Variants in SNCAIP observed in about 807,000 individuals in gnomAD.
The protein encoded by SNCAIP is synphilin-1.
Under a neutral mutation model 86.7 loss-of-function variants are expected in SNCAIP, and 43 were observed. The ratio of observed to expected loss-of-function variants is 0.50; its 90% CI spans 0.39 to 0.64. SNCAIP has a LOEUF of 0.64. Among genes scored for constraint, SNCAIP ranks in the 30% least tolerant of loss-of-function variants. The pLI, the probability that SNCAIP is intolerant of heterozygous loss-of-function variation, is 0.00. For synonymous variants in SNCAIP, 417 were observed against 427.2 expected (o/e 0.98, Z 0.29); for missense variants, 981 against 1,103.1 (o/e 0.89, Z 1.57).
intron 1 of SNCAIP, among the ~76,000 whole-genome samples, chr5:122,349,602 A>C (rs1383661759): frequency 6.6e-6 from 1 of 152,268 alleles, no homozygotes; most frequent in East Asian, 1.9e-4. Flanking sequence ...TATACTCCAC[A>C]CTAGGTATTT....
intron 10 of SNCAIP, among the ~76,000 whole-genome samples, chr5:122,456,468 G>T (rs575074814): frequency 1.3e-5 from 2 of 152,022 alleles, no homozygotes; most frequent in Non-Finnish European, 2.9e-5. Flanking sequence ...ACACATTTCT[G>T]TCCTTATTGC....
At chr5:122,351,539 A>C (rs1759817035) in intron 1 of SNCAIP, among the ~76,000 whole-genome samples, 1 of 83,186 alleles carries the variant, frequency 1.2e-5, no homozygotes, top group South Asian at 4.1e-4. Context: ...TCTGTATCAA[A>C]AAAAAAAAAA....
At chr5:122,372,523 G>C (rs1764479945) in intron 1 of SNCAIP, among the ~76,000 whole-genome samples, 2 of 152,192 alleles carry the variant, frequency 1.3e-5, no homozygotes, top group Non-Finnish European at 2.9e-5. Context: ...GTTTGTCGTA[G>C]AGTGGATCAC....
chr5:122,356,850 C>T (rs1300177231), intron 1 of SNCAIP, among the ~76,000 whole-genome samples: 1 of 152,206 alleles, frequency 6.6e-6, no homozygotes, highest in Non-Finnish European at 1.5e-5. Context: ...TGGACCGATG[C>T]ACCACCCTCC....
At chr5:122,379,936 G>A (rs529877048) in intron 1 of SNCAIP, among the ~76,000 whole-genome samples, 54 of 152,246 alleles carry the variant, frequency 3.5e-4, no homozygotes, top group African/African-American at 1.3e-3. Flanking sequence ...GCTGGATTCG[G>A]TTTGCCAGTA....
intron 1 of SNCAIP, among the ~76,000 whole-genome samples, chr5:122,385,670 CGTATGTGT>C (rs1176643538): frequency 2.1e-4 from 30 of 144,552 alleles, no homozygotes; most frequent in African/African-American, 7.8e-4. Flanking sequence ...CGTGTGCGCA[CGTATGTGT>C]GTGTGTGTGT....
chr5:122,319,823 C>T (rs919808925), intron 1 of SNCAIP, among the ~76,000 whole-genome samples: 2 of 152,186 alleles, frequency 1.3e-5, no homozygotes, highest in African/African-American at 4.8e-5. Context: ...TATAGCTAAG[C>T]CATGCATTAT....
At chr5:122,444,501 A>T in intron 7 of SNCAIP, 62 bp from the exon 8 acceptor site, 1 of 1,455,892 alleles carries the variant, frequency 6.9e-7, no homozygotes, top group Non-Finnish European at 9.7e-7. Context: ...ATTCTGTTAC[A>T]GTCATTAAAA....
intron 1 of SNCAIP, among the ~76,000 whole-genome samples, chr5:122,381,802 G>C (rs1766891494): frequency 6.6e-6 from 1 of 151,964 alleles, no homozygotes; most frequent in Admixed American, 6.6e-5. Flanking sequence ...CACTTATGAA[G>C]CTTAGTTTGT....
intron 1 of SNCAIP, among the ~76,000 whole-genome samples, chr5:122,365,101 C>T (rs1268994740): frequency 2.0e-5 from 3 of 152,094 alleles, no homozygotes; most frequent in Non-Finnish European, 4.4e-5. Flanking sequence ...TTTGTTGCCC[C>T]CATGCCCCGA....
At chr5:122,328,732 G>A in intron 1 of SNCAIP, among the ~76,000 whole-genome samples, 1 of 152,134 alleles carries the variant, frequency 6.6e-6, no homozygotes, top group East Asian at 1.9e-4. Flanking sequence ...TTTTTCGTAA[G>A]TCCTTGCTTG....
intron 6 of SNCAIP, among the ~76,000 whole-genome samples, chr5:122,438,099 T>C (rs1779941362): frequency 6.6e-6 from 1 of 152,220 alleles, no homozygotes; most frequent in Non-Finnish European, 1.5e-5. Context: ...TCCTCCAGGC[T>C]TTACTTGCTA....
chr5:122,451,690 G>A, intron 10 of SNCAIP, 89 bp downstream of exon 10: 1 of 1,005,634 alleles, frequency 9.9e-7, no homozygotes, highest in Admixed American at 2.3e-5. Flanking sequence ...ACACTACCTT[G>A]AGGGAATCCC....
At chr5:122,325,169 A>C (rs1344135222) in intron 1 of SNCAIP, among the ~76,000 whole-genome samples, 1 of 152,142 alleles carries the variant, frequency 6.6e-6, no homozygotes, top group Non-Finnish European at 1.5e-5. Context: ...CTAGTGGATT[A>C]TCAGATCCAT....
intron 1 of SNCAIP, chr5:122,388,784 AT>A (rs752573241): frequency 3.3e-5 from 5 of 152,272 alleles, no homozygotes; most frequent in Non-Finnish European, 5.9e-5. Flanking sequence ...AGAGACAAGC[AT>A]TGAAACCAGA....
chr5:122,445,197 G>C (rs1351817470), intron 8 of SNCAIP, among the ~76,000 whole-genome samples: 1 of 152,146 alleles, frequency 6.6e-6, no homozygotes, highest in Non-Finnish European at 1.5e-5. Context: ...AAATAACTTG[G>C]TGACTATCAC....
chr5:122,370,941 C>T (rs1398871131), intron 1 of SNCAIP, among the ~76,000 whole-genome samples: 2 of 152,082 alleles, frequency 1.3e-5, no homozygotes, highest in Non-Finnish European at 2.9e-5. Flanking sequence ...ATTTATCATG[C>T]CAAAACTGAA....
In SNCAIP at chr5:122,401,103, G is replaced by T. The variant is rs899679280; in HGVS notation, c.58-2690G>T. ...ACTGACAGTAGTTGCTGCCCTGGGA[G>T]CTTGCCATTGTCCTGAGAATGAGGT... On this transcript the variant is annotated intron_variant, in intron 2 of 10. Coordinates refer to ENST00000261368, the MANE Select transcript of SNCAIP (RefSeq NM_005460.4). 13 of 1,549,908 alleles carry T rather than the reference G, an allele frequency of 8.4e-6. No individual in the cohort carries two copies. The East Asian group carries it at 2.9e-4, about 35-fold the overall frequency.
chr5:122,316,398 A>G (rs1237008127), intron 1 of SNCAIP, among the ~76,000 whole-genome samples: 3 of 152,184 alleles, frequency 2.0e-5, no homozygotes, highest in Admixed American at 6.5e-5. Flanking sequence ...TCAGCACACA[A>G]TGCAAAGTGG....
Sources: allele counts gnomAD v4.1 joint callset (sites outside exome capture counted in the v4.1 genomes callset), GRCh38; gene constraint gnomAD v4.1.1; transcripts MANE v1.5; gene names NCBI Gene and HGNC (gene_info 2026-07-23, HGNC 2026-07-21).